Variants in POGLUT2 observed in about 807,000 individuals in gnomAD.
POGLUT2 encodes ER protein 58.
In POGLUT2, 47 loss-of-function variants were observed where a neutral mutation model predicts 57.6. That is an observed-to-expected ratio of 0.82 (90% CI 0.65 to 1.04). The LOEUF is 1.04. POGLUT2 is among the 50% of genes least tolerant of loss of function. The probability of loss-of-function intolerance (pLI) is 0.00; values close to 1 mark genes in which losing one functional copy is unlikely to be tolerated. For synonymous variants in POGLUT2, 200 were observed against 218.8 expected (o/e 0.91, Z 0.76); for missense variants, 565 against 614.8 (o/e 0.92, Z 0.86).
intron 3 of POGLUT2, 80 bp from the exon 4 acceptor site, chr13:102,793,498 C>A: frequency 7.7e-7 from 1 of 1,301,718 alleles, no homozygotes; most frequent in Non-Finnish European, 1.1e-6. Flanking sequence ...TCACAGTGCT[C>A]ATTCGAATGA....
In POGLUT2 at chr13:102,784,415, T is replaced by A; in HGVS notation, c.*80A>T. The A allele has an allele frequency of 1.2e-6, 1 of 832,216 alleles. No individual in the cohort carries two copies. The highest frequency in any genetic ancestry group is 1.5e-5 in the South Asian group (1 of 68,636). 51.6% of individuals were successfully genotyped at this position (832,216 alleles called of 1,614,324 possible). A position where few individuals can be genotyped will look rare whatever the true frequency, so the allele number is the denominator to read the frequency against. On this transcript the variant is annotated 3_prime_UTR_variant, in exon 10 of 10. Coordinates refer to ENST00000376004, the MANE Select transcript of POGLUT2 (RefSeq NM_024089.3). The stretch of plus-strand genomic sequence containing the variant: ...CACAGATTTTATATTGTCCATGGAA[T>A]TAATACTTAAAAAAATTCTTCTTTT...
chr13:102,793,051 C>T (rs1878242178), intron 4 of POGLUT2: 1 of 308,900 alleles, frequency 3.2e-6, no homozygotes, highest in Non-Finnish European at 6.0e-6. Context: ...GCTAGGATTA[C>T]AGGCGTGAGC....
At position 102,784,444 on chromosome 13, in the gene POGLUT2, T is replaced by A. The variant is rs750179882; in HGVS notation, c.*51A>T. On this transcript the variant is annotated 3_prime_UTR_variant, in exon 10 of 10. Coordinates refer to ENST00000376004, the MANE Select transcript of POGLUT2 (RefSeq NM_024089.3). ...TACTTAAAAAAATTCTTCTTTTTAG[T>A]TAAGAAGAGTCTTCAGAGCACCATT... 7.0e-6 allele frequency: 8 copies of A among 1,146,800 alleles called. No homozygotes were observed. In the African/African-American group the frequency reaches 1.1e-4, roughly 16 times the overall value. 71.0% of individuals were successfully genotyped at this position (1,146,800 alleles called of 1,614,324 possible). A position where few individuals can be genotyped will look rare whatever the true frequency, so the allele number is the denominator to read the frequency against.
chr13:102,789,220 T>C lies in POGLUT2; in HGVS notation c.1085A>G (p.His362Arg), dbSNP rs544524093. The C allele has an allele frequency of 6.5e-5, 105 of 1,613,142 alleles. 1 individual carries two copies. In the South Asian group the frequency reaches 1.0e-3, roughly 16 times the overall value. Residue 362 changes from histidine (H) to arginine (R), a missense_variant and splice_region_variant, in exon 7 of 10, where the codon CAT becomes CGT. Transcript: ENST00000376004. The stretch of plus-strand genomic sequence containing the variant: ...GCCATCGATATTTATTTGATACTTA[T>C]GCTGCAAAACAATGGTAAAGTCTAA... ...KHISFFDFFK[H>R]KYQINIDGTV...
At chr13:102,791,463 T>A (rs761154533) in intron 4 of POGLUT2, 33 bp from the exon 5 acceptor site, 2 of 1,541,444 alleles carry the variant, frequency 1.3e-6, no homozygotes, top group South Asian at 2.5e-5. Context: ...CTTATTCACA[T>A]TTCCTGCATT....
At position 102,784,315 on chromosome 13, in the gene POGLUT2, C is replaced by CT; in HGVS notation, c.*179dup. 1 of 489,366 alleles carries CT rather than the reference C, an allele frequency of 2.0e-6. No individual in the cohort carries two copies. The highest frequency in any genetic ancestry group is 3.7e-6 in the Non-Finnish European group (1 of 269,242). 30.3% of individuals were successfully genotyped at this position (489,366 alleles called of 1,614,324 possible). A position where few individuals can be genotyped will look rare whatever the true frequency, so the allele number is the denominator to read the frequency against. On this transcript the variant is annotated 3_prime_UTR_variant, in exon 10 of 10. Coordinates refer to ENST00000376004, the MANE Select transcript of POGLUT2 (RefSeq NM_024089.3). ...ATAAAGGTGGTTTTATTATAAAATT[C>CT]TAAAAATGTACTTTAAAGTACAGTC...
chr13:102,798,349 G>C (rs1223830583), intron 1 of POGLUT2, 140 bp downstream of exon 1: 1 of 679,008 alleles, frequency 1.5e-6, no homozygotes, highest in East Asian at 2.8e-5. Context: ...AATTTCTACA[G>C]CTACAGAGAA....
chr13:102,793,226 T>C (rs1309049022), intron 4 of POGLUT2, 115 bp downstream of exon 4: 51 of 645,608 alleles, frequency 7.9e-5, no homozygotes, highest in Non-Finnish European at 1.7e-5. Flanking sequence ...AATAGTATTA[T>C]CATAAGGCTC....
intron 6 of POGLUT2, among the ~76,000 whole-genome samples, chr13:102,789,754 C>T (rs1036185112): frequency 1.1e-4 from 17 of 152,262 alleles, no homozygotes; most frequent in Admixed American, 3.9e-4. Context: ...CGCACCACCA[C>T]GCCCAGCTAA....
Position 102,789,214 on chromosome 13 carries a change from T to C in POGLUT2, c.1091A>G (p.Tyr364Cys), listed in dbSNP as rs1156296621. 4 of 1,613,658 alleles carry C rather than the reference T, an allele frequency of 2.5e-6. No homozygotes were observed. Among genetic ancestry groups the C allele is most frequent in the Non-Finnish European group, 2.5e-6 (3 of 1,179,514 alleles). The change falls in exon 7 of 10, where the codon TAT becomes TGT. Residue 364 changes from tyrosine (Y) to cysteine (C), a missense_variant. Physicochemically the swap from Tyr to Cys is radical, Grantham distance 194. Transcript: ENST00000376004. ...ISFFDFFKHK[Y>C]QINIDGTVAA... Reference sequence around the variant, plus strand: ...TACAGTGCCATCGATATTTATTTGATACTTATGCTGCAAAACAATGGTAAA... The same window carrying C: ...TACAGTGCCATCGATATTTATTTGACACTTATGCTGCAAAACAATGGTAAA...
At chr13:102,788,806 A>G (rs1187048742) in intron 7 of POGLUT2, among the ~76,000 whole-genome samples, 1 of 152,200 alleles carries the variant, frequency 6.6e-6, no homozygotes, top group Admixed American at 6.5e-5. Context: ...TTTCACATGC[A>G]GAGTGGAGAG....
rs1283419538 is a variant in POGLUT2, at chr13:102,789,239, A to T, written c.1084-18T>A. 1 of 1,597,760 alleles carries T rather than the reference A, an allele frequency of 6.3e-7. No homozygotes were observed. The highest frequency in any genetic ancestry group is 8.6e-7 in the Non-Finnish European group (1 of 1,165,306). The stretch of plus-strand genomic sequence containing the variant: ...TACTTATGCTGCAAAACAATGGTAA[A>T]GTCTAAGAACCTCTATTAAATCTCC... On this transcript the variant is annotated intron_variant, in intron 6 of 9. Transcript: ENST00000376004.
chr13:102,796,293 CAAAAAAAA>C (rs151064207), intron 2 of POGLUT2, among the ~76,000 whole-genome samples: 2 of 100,740 alleles, frequency 2.0e-5, no homozygotes, highest in African/African-American at 7.4e-5. Flanking sequence ...GACTCTGCCT[CAAAAAAAA>C]AAAAAAAAAA....
rs759117373 is a variant in POGLUT2, at chr13:102,798,616, C to T, written c.55G>A (p.Ala19Thr). The change falls in exon 1 of 10, where the codon GCC becomes ACC. Residue 19 changes from alanine to threonine, a missense_variant. Physicochemically the swap from Ala to Thr is moderately conservative, Grantham distance 58. Coordinates refer to ENST00000376004, the MANE Select transcript of POGLUT2 (RefSeq NM_024089.3). The part of the protein sequence containing the change: ...CFFLATVPAL[A>T]ETGGERQLSP... ...AGCTGCCTTTCTCCGCCGGTCTCGG[C>T]GAGTGCTGGAACTGTCGCCAGAAAG... The T allele has an allele frequency of 1.4e-5, 23 of 1,612,830 alleles. No homozygotes were observed. The highest frequency in any genetic ancestry group is 2.0e-5 in the Non-Finnish European group (23 of 1,179,414).
At position 102,797,200 on chromosome 13, in the gene POGLUT2, G is replaced by C. The variant is rs529409396; in HGVS notation, c.183-191C>G. 2.6e-5 allele frequency among the ~76,000 whole-genome samples: 4 copies of C among 152,230 alleles called. No homozygotes were observed. In the South Asian group the frequency reaches 8.3e-4, roughly 32 times the overall value. On this transcript the variant is annotated intron_variant, in intron 1 of 9. Transcript: ENST00000376004. Reference sequence around the variant, plus strand: ...ATCAGAGATTTAAAAAAATGAGGATGACAATGGCCAAGATAACATGAAACA... The same window carrying C: ...ATCAGAGATTTAAAAAAATGAGGATCACAATGGCCAAGATAACATGAAACA...
chr13:102,797,961 T>TA (rs1440555310), intron 1 of POGLUT2, among the ~76,000 whole-genome samples: 1 of 152,258 alleles, frequency 6.6e-6, no homozygotes, highest in African/African-American at 2.4e-5. Flanking sequence ...AGTATGATGT[T>TA]AAAGTATTAA....
rs750704511 is a variant in POGLUT2 at position 102,798,532 on chromosome 13, C to A, written c.139G>T (p.Ala47Ser). 9.3e-6 allele frequency: 15 copies of A among 1,612,142 alleles called. No individual in the cohort carries two copies. Among genetic ancestry groups the A allele is most frequent in the Admixed American group, 1.7e-5 (1 of 59,844 alleles). Residue 47 changes from alanine to serine, a missense_variant, in exon 1 of 10, where the codon GCC (alanine) becomes TCC (serine). By Grantham distance (99) the Ala-to-Ser change is moderately conservative (BLOSUM62 1). Coordinates refer to ENST00000376004, the MANE Select transcript of POGLUT2 (RefSeq NM_024089.3). Reference protein sequence around the residue: ...PGLKADVVLPARYFYIQAVDT... With the variant: ...PGLKADVVLPSRYFYIQAVDT... Reference sequence around the variant, plus strand: ...ACTGCCTGAATATAGAAATAGCGGGCGGGAAGGACGACGTCTGCTTTTAGC... The same window carrying A: ...ACTGCCTGAATATAGAAATAGCGGGAGGGAAGGACGACGTCTGCTTTTAGC...
At chr13:102,792,978 G>A (rs565159770) in intron 4 of POGLUT2, among the ~76,000 whole-genome samples, 174 of 152,290 alleles carry the variant, frequency 1.1e-3, no homozygotes, top group African/African-American at 4.1e-3. Context: ...TCTTCACCAT[G>A]TTGCCCAGCC....
intron 2 of POGLUT2, among the ~76,000 whole-genome samples, chr13:102,794,609 G>A (rs1878304526): frequency 6.6e-6 from 1 of 152,200 alleles, no homozygotes. Context: ...AGGTTGCAGT[G>A]AGCGGAGATT....
Sources: allele counts gnomAD v4.1 joint callset (sites outside exome capture counted in the v4.1 genomes callset), GRCh38; gene constraint gnomAD v4.1.1; transcripts MANE v1.5; gene names NCBI Gene and HGNC (gene_info 2026-07-23, HGNC 2026-07-21).